LAMA1: variants seen among roughly 807,000 people sequenced by gnomAD.
LAMA1 encodes the protein laminin subunit alpha 1.
A neutral mutation model predicts 348.7 loss-of-function variants in LAMA1; 219 were observed. The ratio of observed to expected loss-of-function variants is 0.63; its 90% CI spans 0.56 to 0.70. LAMA1 has a LOEUF of 0.70. Among genes scored for constraint, LAMA1 ranks in the 30% least tolerant of loss-of-function variants. The pLI, the probability that LAMA1 is intolerant of heterozygous loss-of-function variation, is 0.00. For missense variants in LAMA1, 3,744 were observed against 3,888.0 expected (o/e 0.96, Z 0.99); for synonymous variants, 1,487 against 1,491.0 (o/e 1.00, Z 0.06).
At chr18:7,024,784 CTGATGCTTCCTCCAGG>C (rs2057935021) in intron 17 of LAMA1, among the ~76,000 whole-genome samples, 1 of 152,228 alleles carries the variant, frequency 6.6e-6, no homozygotes, top group Non-Finnish European at 1.5e-5. Context: ...CCCAACTCAG[CTGATGCTTCCTCCAGG>C]AGGCCTGCTC....
At chr18:7,037,800 A>G in intron 11 of LAMA1, 49 bp from the exon 12 acceptor site, 1 of 1,564,472 alleles carries the variant, frequency 6.4e-7, no homozygotes, top group Non-Finnish European at 8.8e-7. Context: ...AACTTACCTT[A>G]GATTTCACCC....
Position 7,076,542 on chromosome 18 carries a change from C to A in LAMA1, c.345+3433G>T, listed in dbSNP as rs537118490. ...GAATGTGGCATATTCTACAGGACAA[C>A]TGGTCTGGTCTATTCATATATTCAA... is the stretch of plus-strand genomic sequence containing the variant. On this transcript the variant is annotated intron_variant, in intron 3 of 62. Coordinates refer to ENST00000389658, the MANE Select transcript of LAMA1 (RefSeq NM_005559.4). 1.5e-4 allele frequency among the ~76,000 whole-genome samples: 23 copies of A among 152,012 alleles called. No homozygotes were observed. The East Asian group carries it at 4.1e-3, about 27-fold the overall frequency.
rs71165719 is a variant in LAMA1 at position 7,077,199 on chromosome 18, C to CTTTT, written c.345+2772_345+2775dup. ...TGTCTATGGTTTTTTCTGTTCTTTTCTTTTTTTTTTTTTTTTTTTTGAGAC... is the reference window on the plus strand; with the variant it reads ...TGTCTATGGTTTTTTCTGTTCTTTTCTTTTTTTTTTTTTTTTTTTTTTTTGAGAC... On this transcript the variant is annotated intron_variant, in intron 3 of 62. Transcript: ENST00000389658. Among the ~76,000 whole-genome samples, 196 of 119,754 alleles carry CTTTT rather than the reference C, an allele frequency of 1.6e-3. 3 individuals are homozygous for CTTTT. Among genetic ancestry groups the CTTTT allele is most frequent in the African/African-American group, 5.4e-3 (167 of 30,832 alleles). The allele number at this position is 119,754 out of a possible 152,430, so 78.6% of individuals were successfully genotyped here.
intron 3 of LAMA1, among the ~76,000 whole-genome samples, chr18:7,057,474 T>TC (rs1555660781): frequency 1.1e-5 from 1 of 91,084 alleles, no homozygotes; most frequent in African/African-American, 7.0e-5. Flanking sequence ...TTCTTTTCTT[T>TC]TTTTTTTTTT....
chr18:7,002,077 T>C (rs1476335475), intron 30 of LAMA1, among the ~76,000 whole-genome samples, 187 bp downstream of exon 30: 1 of 152,234 alleles, frequency 6.6e-6, no homozygotes, highest in African/African-American at 2.4e-5. Flanking sequence ...CCAAAACAGA[T>C]ACTTTGCTTT....
At chr18:7,080,214 C>T in intron 2 of LAMA1, 73 bp downstream of exon 2, 1 of 1,603,532 alleles carries the variant, frequency 6.2e-7, no homozygotes, top group East Asian at 2.2e-5. Context: ...GGCTTCCTAA[C>T]AGAAGTCTCA....
intron 1 of LAMA1, among the ~76,000 whole-genome samples, chr18:7,101,128 T>A (rs1185365339): frequency 6.6e-6 from 1 of 152,120 alleles, no homozygotes; most frequent in African/African-American, 2.4e-5. Context: ...CAAATGAAAA[T>A]GATGACACTT....
At chr18:7,087,316 A>T (rs1032807105) in intron 1 of LAMA1, among the ~76,000 whole-genome samples, 1 of 152,238 alleles carries the variant, frequency 6.6e-6, no homozygotes, top group African/African-American at 2.4e-5. Flanking sequence ...CAGAATAGGA[A>T]TGGGTGAATA....
chr18:7,101,889 G>A (rs1363410477), intron 1 of LAMA1, among the ~76,000 whole-genome samples: 3 of 149,444 alleles, frequency 2.0e-5, no homozygotes, highest in African/African-American at 7.4e-5. Context: ...ATGTTGCCCA[G>A]GCTGGTCTCG....
rs1600335125 is a variant in LAMA1 at position 6,942,474 on chromosome 18, C to T, written c.9068-235G>A. 2.0e-5 allele frequency among the ~76,000 whole-genome samples: 3 copies of T among 151,548 alleles called. No individual in the cohort carries two copies. The East Asian group carries it at 5.8e-4, about 29-fold the overall frequency. ...TGCCACCTAGGCTGGAGTGCAGTGG[C>T]GCGATCTCGGCTCACTGCAACCTCT... On this transcript the variant is annotated intron_variant, in intron 62 of 62. Coordinates refer to ENST00000389658, the MANE Select transcript of LAMA1 (RefSeq NM_005559.4).
chr18:6,968,119 G>C (rs1047606551), intron 48 of LAMA1, among the ~76,000 whole-genome samples: 3 of 152,166 alleles, frequency 2.0e-5, no homozygotes, highest in African/African-American at 4.8e-5. Flanking sequence ...AAGGGCCCAG[G>C]ACAAATGAAA....
chr18:7,106,024 G>A (rs1184522090), intron 1 of LAMA1, among the ~76,000 whole-genome samples: 3 of 152,194 alleles, frequency 2.0e-5, no homozygotes, highest in South Asian at 2.1e-4. Flanking sequence ...CTGATCCAAC[G>A]TGGTCTCTAA....
chr18:6,972,256 G>C (rs2144029925), intron 47 of LAMA1: 3 of 413,442 alleles, frequency 7.3e-6, no homozygotes, highest in South Asian at 2.1e-5. Context: ...AGAAAACAGA[G>C]AGCCAGAGAA....
intron 36 of LAMA1, among the ~76,000 whole-genome samples, chr18:6,988,419 T>A (rs1237766082): frequency 6.6e-6 from 1 of 152,200 alleles, no homozygotes; most frequent in African/African-American, 2.4e-5. Flanking sequence ...CTGATGTGCG[T>A]CAGCGTACTA....
intron 1 of LAMA1, among the ~76,000 whole-genome samples, chr18:7,085,710 T>G (rs574378871): frequency 3.5e-4 from 53 of 152,046 alleles, no homozygotes; most frequent in Non-Finnish European, 3.4e-4. Context: ...GAGCCACCGC[T>G]CCTGGCCTAT....
At chr18:7,069,611 A>T (rs933945248) in intron 3 of LAMA1, among the ~76,000 whole-genome samples, 6 of 152,140 alleles carry the variant, frequency 3.9e-5, no homozygotes, top group African/African-American at 1.2e-4. Context: ...GAGGGGACAC[A>T]ACTTCTGCCT....
chr18:6,953,571 G>A (rs1167654940), intron 57 of LAMA1, among the ~76,000 whole-genome samples: 1 of 152,158 alleles, frequency 6.6e-6, no homozygotes, highest in Non-Finnish European at 1.5e-5. Context: ...ACAGACTCTG[G>A]AGCCAGAAGG....
rs898335771 is a variant in LAMA1, at chr18:6,964,772, G to A, written c.7227C>T (p.Thr2409=). ...GVLAVIDAYN[T]SNKETKQGET... is the part of the protein sequence containing the mutation. ...CGCCCTGCTTGGTTTCTTTATTACTGGTGTTATAGGCATCGATAACTGCTA... is the reference window on the plus strand; with the variant it reads ...CGCCCTGCTTGGTTTCTTTATTACTAGTGTTATAGGCATCGATAACTGCTA... The change falls in exon 51 of 63, where the codon ACC becomes ACT. Residue 2409 remains threonine (T), a synonymous_variant. Transcript: ENST00000389658. 1.5e-5 allele frequency: 24 copies of A among 1,614,022 alleles called. No homozygotes were observed. The highest frequency in any genetic ancestry group is 1.8e-5 in the Non-Finnish European group (21 of 1,180,014).
At chr18:6,959,638 A>T (rs2057598010) in intron 53 of LAMA1, 146 bp from the exon 54 acceptor site, 3 of 811,156 alleles carry the variant, frequency 3.7e-6, no homozygotes, top group Non-Finnish European at 6.1e-6. Context: ...TCACAATGTT[A>T]CATTTTGTAT....
Sources: allele counts gnomAD v4.1 joint callset (sites outside exome capture counted in the v4.1 genomes callset), GRCh38; gene constraint gnomAD v4.1.1; transcripts MANE v1.5; gene names NCBI Gene and HGNC (gene_info 2026-07-23, HGNC 2026-07-21).